Variants in PALLD observed in about 807,000 individuals in gnomAD.
The protein encoded by PALLD is palladin, cytoskeletal associated protein.
In PALLD, 61 loss-of-function variants were observed where a neutral mutation model predicts 123.5. The ratio of observed to expected loss-of-function variants is 0.49; its 90% CI spans 0.40 to 0.61. The LOEUF is 0.61. PALLD is among the 20% of genes least tolerant of loss of function. The pLI, the probability that PALLD is intolerant of heterozygous loss-of-function variation, is 0.00. For synonymous variants in PALLD, 465 were observed against 496.4 expected (o/e 0.94, Z 0.84); for missense variants, 1,273 against 1,377.0 (o/e 0.92, Z 1.20).
chr4:168,778,149 A>AT (rs200149249), intron 10 of PALLD, among the ~76,000 whole-genome samples: 4 of 151,768 alleles, frequency 2.6e-5, no homozygotes, highest in African/African-American at 7.3e-5. Flanking sequence ...TCTTTCCTGA[A>AT]TTTTTTTTTC....
rs1774436390 is a variant in PALLD, at chr4:168,618,452, G to T, written c.909-49738G>T. Among the ~76,000 whole-genome samples the T allele has an allele frequency of 1.3e-5, 2 of 152,152 alleles. 1 individual carries two copies. The highest frequency in any genetic ancestry group is 4.1e-4 in the South Asian group (2 of 4,832). On this transcript the variant is annotated intron_variant, in intron 2 of 21. Coordinates refer to ENST00000505667, the MANE Select transcript of PALLD (RefSeq NM_001166108.2). ...GAAGCTTTGGGCACGATCATCTCCA[G>T]TTGCTGACTTTCTAGGGTTGTAAGG... is the stretch of plus-strand genomic sequence containing the variant.
At chr4:168,702,806 A>G (rs1163456705) in intron 8 of PALLD, among the ~76,000 whole-genome samples, 2 of 151,774 alleles carry the variant, frequency 1.3e-5, no homozygotes, top group African/African-American at 4.8e-5. Flanking sequence ...AAATTTCCCA[A>G]TCCCTTGTAA....
rs190034020 is a variant in PALLD, at chr4:168,765,636, G to A, written c.1964+53713G>A. Among the ~76,000 whole-genome samples the A allele has an allele frequency of 1.7e-3, 259 of 152,360 alleles. 1 individual carries two copies. The highest frequency in any genetic ancestry group is 5.7e-3 in the African/African-American group (237 of 41,582). ...ATAAGCTAACTTACTGTTTGCCACA[G>A]ATTGTAACCTCTTTCCCAAAGAACA... On this transcript the variant is annotated intron_variant, in intron 10 of 21. Transcript: ENST00000505667.
At chr4:168,585,230 T>C (rs1395917819) in intron 2 of PALLD, among the ~76,000 whole-genome samples, 2 of 152,286 alleles carry the variant, frequency 1.3e-5, no homozygotes, top group East Asian at 3.9e-4. Flanking sequence ...TTTATAACCA[T>C]TATCTTGTTT....
chr4:168,854,165 TTC>T (rs1748231499), intron 10 of PALLD, among the ~76,000 whole-genome samples: 1 of 1,136 alleles, frequency 8.8e-4, no homozygotes, highest in Non-Finnish European at 1.6e-3. Context: ...CATGGAGTCA[TTC>T]ATTCATTCAT....
In PALLD at chr4:168,558,821, A is replaced by G. The variant is rs113065450; in HGVS notation, c.908+46409A>G. On this transcript the variant is annotated intron_variant, in intron 2 of 21. Coordinates refer to ENST00000505667, the MANE Select transcript of PALLD (RefSeq NM_001166108.2). The stretch of plus-strand genomic sequence containing the variant: ...TGGTGCCAGGAGTTCATCATAATCA[A>G]CATTACAAAGGAAATACCAAAGGAA... 6.6e-3 allele frequency among the ~76,000 whole-genome samples: 1,004 copies of G among 152,298 alleles called. 7 individuals are homozygous for G. Among genetic ancestry groups the G allele is most frequent in the African/African-American group, 0.023 (952 of 41,576 alleles).
At chr4:168,822,651 T>A (rs1742890076) in intron 10 of PALLD, among the ~76,000 whole-genome samples, 1 of 152,216 alleles carries the variant, frequency 6.6e-6, no homozygotes, top group Non-Finnish European at 1.5e-5. Context: ...CTCTAGTAAT[T>A]CACTTTCAGT....
At chr4:168,602,553 G>A (rs550579650) in intron 2 of PALLD, among the ~76,000 whole-genome samples, 38 of 152,284 alleles carry the variant, frequency 2.5e-4, no homozygotes, top group East Asian at 3.9e-4. Flanking sequence ...GGATTTGCCC[G>A]TGTTCAGCAG....
intron 2 of PALLD, among the ~76,000 whole-genome samples, chr4:168,562,945 T>A (rs944313940): frequency 1.3e-5 from 2 of 152,126 alleles, no homozygotes; most frequent in African/African-American, 4.8e-5. Context: ...AGGCAAGAGA[T>A]GAGTGAATCC....
chr4:168,867,846 G>A (rs28380385), intron 10 of PALLD, among the ~76,000 whole-genome samples: 1,773 of 150,484 alleles, frequency 0.012, 50 homozygotes, highest in African/African-American at 0.041. Context: ...GGACTTGTTG[G>A]TTTCCAAGGC....
chr4:168,602,844 C>T (rs1419020712), intron 2 of PALLD, among the ~76,000 whole-genome samples: 1 of 152,042 alleles, frequency 6.6e-6, no homozygotes, highest in East Asian at 1.9e-4. Context: ...TGGCTCACTG[C>T]AGCCTCGACC....
At chr4:168,599,800 AAAGAAT>A (rs1020860577) in intron 2 of PALLD, among the ~76,000 whole-genome samples, 3 of 152,222 alleles carry the variant, frequency 2.0e-5, no homozygotes, top group Non-Finnish European at 2.9e-5. Context: ...AATAAAATAA[AAAGAAT>A]AAGTTAAATC....
At chr4:168,804,459 G>A (rs1054278755) in intron 10 of PALLD, among the ~76,000 whole-genome samples, 1 of 152,192 alleles carries the variant, frequency 6.6e-6, no homozygotes, top group Non-Finnish European at 1.5e-5. Flanking sequence ...AACTTTGACA[G>A]TTGTACTTAA....
intron 10 of PALLD, among the ~76,000 whole-genome samples, chr4:168,851,297 CTGTT>C (rs1352824773): frequency 6.6e-6 from 1 of 152,216 alleles, no homozygotes; most frequent in Non-Finnish European, 1.5e-5. Flanking sequence ...CAGGATAAAA[CTGTT>C]TGATAACTTA....
chr4:168,781,948 A>C (rs980711655), intron 10 of PALLD, among the ~76,000 whole-genome samples: 1 of 152,088 alleles, frequency 6.6e-6, no homozygotes, highest in Non-Finnish European at 1.5e-5. Context: ...AAAGAAAAAA[A>C]AAACAAACTA....
intron 3 of PALLD, among the ~76,000 whole-genome samples, chr4:168,672,024 C>T (rs560110437): frequency 6.6e-6 from 1 of 152,300 alleles, no homozygotes; most frequent in South Asian, 2.1e-4. Context: ...TTTAGTGTCA[C>T]CTAGGAGCCA....
chr4:168,722,822 A>C (rs1229540680), intron 10 of PALLD, among the ~76,000 whole-genome samples: 2 of 152,202 alleles, frequency 1.3e-5, no homozygotes, highest in Non-Finnish European at 2.9e-5. Flanking sequence ...TCCTTGAGAA[A>C]CATTACTGAG....
chr4:168,608,588 TAG>T (rs1773418236), intron 2 of PALLD, among the ~76,000 whole-genome samples: 1 of 152,212 alleles, frequency 6.6e-6, no homozygotes, highest in South Asian at 2.1e-4. Flanking sequence ...AAAGCCTCAT[TAG>T]ATATTTCTCT....
intron 3 of PALLD, among the ~76,000 whole-genome samples, chr4:168,678,358 G>A (rs1478994380): frequency 6.6e-6 from 1 of 152,114 alleles, no homozygotes; most frequent in Non-Finnish European, 1.5e-5. Flanking sequence ...GCAAAAATTG[G>A]TAGTTCCCTT....
Sources: allele counts gnomAD v4.1 joint callset (sites outside exome capture counted in the v4.1 genomes callset), GRCh38; gene constraint gnomAD v4.1.1; transcripts MANE v1.5; gene names NCBI Gene and HGNC (gene_info 2026-07-23, HGNC 2026-07-21).